WARS2: variants seen among roughly 807,000 people sequenced by gnomAD.
The protein encoded by WARS2 is tryptophan--tRNA ligase, mitochondrial.
WARS2 carries 28 observed loss-of-function variants against 36.5 expected under a neutral mutation model. The ratio of observed to expected loss-of-function variants is 0.77; its 90% CI spans 0.57 to 1.05. WARS2 has a LOEUF of 1.05. Among genes scored for constraint, WARS2 ranks in the 50% least tolerant of loss-of-function variants. The pLI is 0.00. For synonymous variants in WARS2, 174 were observed against 178.4 expected, an observed-to-expected ratio of 0.98 and a Z score of 0.20; for missense variants, 435 against 456.8, an observed-to-expected ratio of 0.95 and a Z score of 0.44.
chr1:119,126,493 T>G, intron 1 of WARS2: 1 of 463,004 alleles, frequency 2.2e-6, no homozygotes, highest in East Asian at 4.4e-5. Flanking sequence ...TTTTTTTTTT[T>G]TTCACAAATA....
At chr1:119,040,201 C>A (rs1475117635) in intron 4 of WARS2, among the ~76,000 whole-genome samples, 1 of 152,218 alleles carries the variant, frequency 6.6e-6, no homozygotes, top group Admixed American at 6.5e-5. Context: ...GACCCATAGT[C>A]TTGCCCAGAT....
At chr1:119,114,508 C>G (rs960775225) in intron 1 of WARS2, among the ~76,000 whole-genome samples, 1 of 152,084 alleles carries the variant, frequency 6.6e-6, no homozygotes, top group Non-Finnish European at 1.5e-5. Flanking sequence ...CAGTTTGGAG[C>G]AGAATATAAT....
chr1:119,120,838 C>G (rs931168469), intron 1 of WARS2, among the ~76,000 whole-genome samples: 1 of 152,028 alleles, frequency 6.6e-6, no homozygotes, highest in Non-Finnish European at 1.5e-5. Flanking sequence ...TTGACAAAAT[C>G]TAACATTCCT....
chr1:119,036,840 T>C (rs1647928348), intron 4 of WARS2, among the ~76,000 whole-genome samples: 2 of 152,232 alleles, frequency 1.3e-5, no homozygotes, highest in Admixed American at 1.3e-4. Context: ...ATCTGCCCCA[T>C]TGCTCCACTT....
At chr1:119,037,370 A>G (rs1647971013) in intron 4 of WARS2, among the ~76,000 whole-genome samples, 1 of 152,166 alleles carries the variant, frequency 6.6e-6, no homozygotes, top group Admixed American at 6.5e-5. Context: ...AACGTTGCCT[A>G]CATATATCTG....
In WARS2 at chr1:119,046,054, C is replaced by T. The variant is rs117956226; in HGVS notation, c.349-392G>A. Among the ~76,000 whole-genome samples the T allele has an allele frequency of 1.1e-3, 169 of 152,224 alleles. 6 individuals carry two copies. The East Asian group carries it at 0.03, about 27-fold the overall frequency. On this transcript the variant is annotated intron_variant, in intron 2 of 5. Transcript: ENST00000235521. ...TCACATACTCACACACACTCACACA[C>T]TGGTTCCAAGCCTCTCTAAATAACT...
chr1:119,034,945 T>C (rs1005855116), intron 4 of WARS2, among the ~76,000 whole-genome samples: 1 of 152,192 alleles, frequency 6.6e-6, no homozygotes, highest in Non-Finnish European at 1.5e-5. Context: ...CCTCCCCAAA[T>C]TTGTAATTGT....
intron 2 of WARS2, among the ~76,000 whole-genome samples, chr1:119,046,508 C>G (rs891301054): frequency 7.7e-6 from 1 of 130,044 alleles, no homozygotes; most frequent in South Asian, 2.5e-4. Context: ...TCACCACATC[C>G]GGCTAATTTT....
At chr1:119,096,201 G>A (rs1653428625) in intron 1 of WARS2, among the ~76,000 whole-genome samples, 2 of 152,074 alleles carry the variant, frequency 1.3e-5, no homozygotes, top group Non-Finnish European at 1.5e-5. Context: ...ATAATGTATT[G>A]TTTAATACAC....
intron 1 of WARS2, among the ~76,000 whole-genome samples, chr1:119,089,284 T>C (rs1251101140): frequency 2.6e-5 from 4 of 152,210 alleles, no homozygotes; most frequent in Non-Finnish European, 5.9e-5. Context: ...TCATCCAACC[T>C]GTAGACTGAT....
At position 119,032,694 on chromosome 1, in the gene WARS2, A is replaced by G. The variant is rs1647524507; in HGVS notation, c.*217T>C. 1.8e-6 allele frequency: 1 copy of G among 559,400 alleles called. No homozygotes were observed. Among genetic ancestry groups the G allele is most frequent in the African/African-American group, 1.9e-5 (1 of 52,990 alleles). The allele number at this position is 559,400 out of a possible 1,614,324, so 34.7% of individuals were successfully genotyped here. The stretch of plus-strand genomic sequence containing the variant: ...TCAGACAGCTATGCCTTCTTGATTT[A>G]TTTTTTGTTGTTGTTGTTCACAGCA... On this transcript the variant is annotated 3_prime_UTR_variant, in exon 6 of 6. Coordinates refer to ENST00000235521, the MANE Select transcript of WARS2 (RefSeq NM_015836.4).
At chr1:119,111,529 A>AGTGCTCT (rs1403097757) in intron 1 of WARS2, among the ~76,000 whole-genome samples, 1 of 152,150 alleles carries the variant, frequency 6.6e-6, no homozygotes, top group Non-Finnish European at 1.5e-5. Context: ...TGTTAAAAAG[A>AGTGCTCT]GTGCTCTGGC....
intron 2 of WARS2, among the ~76,000 whole-genome samples, chr1:119,072,268 G>C (rs1651382445): frequency 6.6e-6 from 1 of 152,126 alleles, no homozygotes; most frequent in Non-Finnish European, 1.5e-5. Context: ...GATGTCTAAT[G>C]TTCATTTCCA....
At chr1:119,041,880 G>T (rs748920743) in intron 4 of WARS2, among the ~76,000 whole-genome samples, 4 of 152,114 alleles carry the variant, frequency 2.6e-5, no homozygotes, top group African/African-American at 9.7e-5. Flanking sequence ...ACATGACTTT[G>T]GGCATGCTAT....
At chr1:119,140,116 C>A (rs1656835968) in intron 1 of WARS2, 2 of 154,872 alleles carry the variant, frequency 1.3e-5, no homozygotes, top group South Asian at 1.8e-4. Flanking sequence ...CCGACCCAAG[C>A]TGCCCAATGC....
intron 1 of WARS2, among the ~76,000 whole-genome samples, chr1:119,131,036 A>C (rs946240368): frequency 1.6e-4 from 24 of 152,224 alleles, no homozygotes; most frequent in African/African-American, 5.8e-4. Flanking sequence ...ATCTATCTTA[A>C]AGCAAATGTC....
chr1:119,056,243 C>T (rs942350220), intron 2 of WARS2, among the ~76,000 whole-genome samples: 4 of 143,434 alleles, frequency 2.8e-5, no homozygotes, highest in African/African-American at 1.0e-4. Context: ...TGCCATGTAG[C>T]CCAGGCTGGT....
intron 1 of WARS2, chr1:119,127,127 G>C: frequency 2.7e-6 from 2 of 730,398 alleles, no homozygotes; most frequent in South Asian, 2.7e-5. Flanking sequence ...ATGCAATTTT[G>C]ATTCCTTGGG....
At chr1:119,080,583 G>A (rs977857801) in intron 1 of WARS2, among the ~76,000 whole-genome samples, 1 of 152,156 alleles carries the variant, frequency 6.6e-6, no homozygotes, top group Non-Finnish European at 1.5e-5. Context: ...CTCTAAATGG[G>A]AACTGGATAC....
Sources: allele counts gnomAD v4.1 joint callset (sites outside exome capture counted in the v4.1 genomes callset), GRCh38; gene constraint gnomAD v4.1.1; transcripts MANE v1.5; gene names NCBI Gene and HGNC (gene_info 2026-07-23, HGNC 2026-07-21).